PANX1: variants seen among roughly 807,000 people sequenced by gnomAD.
PANX1 encodes the protein pannexin-1.
Under a neutral mutation model 38.7 loss-of-function variants are expected in PANX1, and 30 were observed. The observed-to-expected ratio is 0.78, with a 90% CI of 0.58 to 1.05. The LOEUF is 1.05. Among genes scored for constraint, PANX1 ranks in the 50% least tolerant of loss-of-function variants. The probability of loss-of-function intolerance (pLI) is 0.00; values close to 1 mark genes in which losing one functional copy is unlikely to be tolerated. For synonymous variants in PANX1, 230 were observed against 212.2 expected (o/e 1.08, Z -0.73); for missense variants, 551 against 517.2 (o/e 1.07, Z -0.63).
intron 1 of PANX1, among the ~76,000 whole-genome samples, chr11:94,146,150 G>T (rs752379310): frequency 2.0e-5 from 3 of 152,246 alleles, no homozygotes; most frequent in Non-Finnish European, 4.4e-5. Flanking sequence ...CTCAGGAACT[G>T]AGGGGAACAT....
chr11:94,180,708 A>G, intron 4 of PANX1, 82 bp from the exon 5 acceptor site: 1 of 796,074 alleles, frequency 1.3e-6, no homozygotes, highest in East Asian at 2.5e-5. Flanking sequence ...TGTGAGAGGA[A>G]TTTTTGGCAG....
chr11:94,129,515 G>A, intron 1 of PANX1, 22 bp downstream of exon 1: 1 of 1,589,580 alleles, frequency 6.3e-7, no homozygotes, highest in Admixed American at 1.7e-5. Flanking sequence ...CCAGGACGGA[G>A]GGGAGTGGCC....
At chr11:94,129,626 C>A in intron 1 of PANX1, 133 bp downstream of exon 1, 1 of 768,254 alleles carries the variant, frequency 1.3e-6, no homozygotes, top group Non-Finnish European at 2.0e-6. Flanking sequence ...GGCAGTGGCC[C>A]CAGTTTTATG....
Position 94,149,899 on chromosome 11 carries a change from G to A in PANX1, c.182-3592G>A, listed in dbSNP as rs994474115. Among the ~76,000 whole-genome samples, 7 of 152,136 alleles carry A rather than the reference G, an allele frequency of 4.6e-5. No homozygotes were observed. The East Asian group carries it at 1.3e-3, about 29-fold the overall frequency. ...GACAGATGTTACTTGGTACACAATC[G>A]TGCATGAAGTTCAGAGACAGAATAT... On this transcript the variant is annotated intron_variant, in intron 1 of 4. Transcript: ENST00000227638.
chr11:94,153,799 G>C (rs889452008), intron 2 of PANX1, among the ~76,000 whole-genome samples, 169 bp downstream of exon 2: 3 of 152,198 alleles, frequency 2.0e-5, no homozygotes, highest in African/African-American at 7.2e-5. Context: ...AGATGACTTG[G>C]TGTAGGCACC....
chr11:94,169,008 A>C (rs540656570), intron 2 of PANX1, among the ~76,000 whole-genome samples: 1 of 151,786 alleles, frequency 6.6e-6, no homozygotes, highest in Non-Finnish European at 1.5e-5. Context: ...TTTGGAGGAA[A>C]ATCAAAGAGT....
At chr11:94,147,379 T>C (rs1483646756) in intron 1 of PANX1, among the ~76,000 whole-genome samples, 1 of 152,190 alleles carries the variant, frequency 6.6e-6, no homozygotes, top group African/African-American at 2.4e-5. Context: ...ACCCAGGTCA[T>C]GAACTTTTTT....
intron 2 of PANX1, among the ~76,000 whole-genome samples, chr11:94,174,662 C>T (rs1947210331): frequency 6.6e-6 from 1 of 151,626 alleles, no homozygotes; most frequent in Non-Finnish European, 1.5e-5. Flanking sequence ...GCCGTGCATC[C>T]AGCCCACTGC....
intron 2 of PANX1, among the ~76,000 whole-genome samples, chr11:94,161,356 G>A (rs570321202): frequency 3.3e-5 from 5 of 152,282 alleles, no homozygotes; most frequent in South Asian, 2.1e-4. Flanking sequence ...TCACTTTCAG[G>A]TACACCAATC....
At chr11:94,148,781 G>C (rs1036274362) in intron 1 of PANX1, among the ~76,000 whole-genome samples, 1 of 152,092 alleles carries the variant, frequency 6.6e-6, no homozygotes, top group Non-Finnish European at 1.5e-5. Flanking sequence ...ATATGCTAAT[G>C]ATTGTACTTG....
At chr11:94,160,592 A>C (rs1947014896) in intron 2 of PANX1, among the ~76,000 whole-genome samples, 1 of 151,270 alleles carries the variant, frequency 6.6e-6, no homozygotes, top group Admixed American at 6.6e-5. Flanking sequence ...ATCTTCCTCC[A>C]CCCCTTTATT....
At chr11:94,158,117 A>G (rs2134500215) in intron 2 of PANX1, among the ~76,000 whole-genome samples, 1 of 152,260 alleles carries the variant, frequency 6.6e-6, no homozygotes, top group East Asian at 1.9e-4. Flanking sequence ...CTGTTTTGGT[A>G]GCAGTACCAT....
chr11:94,162,253 CAG>C (rs1246621549), intron 2 of PANX1, among the ~76,000 whole-genome samples: 1 of 152,218 alleles, frequency 6.6e-6, no homozygotes, highest in Non-Finnish European at 1.5e-5. Context: ...AGCTGTCAGA[CAG>C]GGACATTTAA....
intron 1 of PANX1, among the ~76,000 whole-genome samples, chr11:94,149,552 G>A (rs1213444647): frequency 6.6e-6 from 1 of 152,334 alleles, no homozygotes; most frequent in Admixed American, 6.5e-5. Flanking sequence ...GTACATAAAT[G>A]TAAAGCCCAC....
chr11:94,129,756 T>TATA (rs1946605059), intron 1 of PANX1, among the ~76,000 whole-genome samples: 2 of 152,204 alleles, frequency 1.3e-5, no homozygotes, highest in African/African-American at 2.4e-5. Context: ...TTATAGTTTA[T>TATA]GTTCCACCCT....
In PANX1 at chr11:94,181,080, G is replaced by A; in HGVS notation, c.*211G>A. On this transcript the variant is annotated 3_prime_UTR_variant, in exon 5 of 5. Coordinates refer to ENST00000227638, the MANE Select transcript of PANX1 (RefSeq NM_015368.4). The stretch of plus-strand genomic sequence containing the variant: ...AACTTCCCATAGGAAGCACCTGAGA[G>A]ATAGTAAACTGCAGCAAGTAACTAT... 2 of 549,522 alleles carry A rather than the reference G, an allele frequency of 3.6e-6. 1 individual carries two copies. The highest frequency in any genetic ancestry group is 4.8e-5 in the South Asian group (2 of 42,102). 34.0% of individuals were successfully genotyped at this position (549,522 alleles called of 1,614,324 possible). A position where few individuals can be genotyped will look rare whatever the true frequency, so the allele number is the denominator to read the frequency against.
chr11:94,141,789 G>C (rs780570522), intron 1 of PANX1, among the ~76,000 whole-genome samples: 7 of 152,132 alleles, frequency 4.6e-5, no homozygotes, highest in South Asian at 2.1e-4. Context: ...ACAAGTTACA[G>C]AATTTCTCAG....
intron 1 of PANX1, among the ~76,000 whole-genome samples, chr11:94,137,408 T>C (rs1036558315): frequency 6.6e-6 from 1 of 152,176 alleles, no homozygotes; most frequent in African/African-American, 2.4e-5. Context: ...CAAACACCTT[T>C]TTTCTGCAGC....
At chr11:94,172,055 G>A (rs1366707462) in intron 2 of PANX1, among the ~76,000 whole-genome samples, 1 of 149,912 alleles carries the variant, frequency 6.7e-6, no homozygotes, top group Non-Finnish European at 1.5e-5. Flanking sequence ...AGGAGAGTGG[G>A]CAAATCTTTA....
Sources: gnomAD v4.1 joint callset for allele counts (sites outside exome capture counted in the v4.1 genomes callset) on GRCh38, gnomAD v4.1.1 for gene constraint, MANE v1.5 for transcripts, NCBI Gene and HGNC (gene_info 2026-07-23, HGNC 2026-07-21) for gene names.